Variants in GPC6 observed in about 807,000 individuals in gnomAD.
GPC6 encodes glypican-6.
Under a neutral mutation model 55.2 loss-of-function variants are expected in GPC6, and 14 were observed. The ratio of observed to expected loss-of-function variants is 0.25; its 90% CI spans 0.17 to 0.40. GPC6 has a LOEUF of 0.40. GPC6 is among the 10% of genes least tolerant of loss of function. The pLI, the probability that GPC6 is intolerant of heterozygous loss-of-function variation, is 1.00. For missense variants in GPC6, 641 were observed against 708.5 expected (o/e 0.90, Z 1.08); for synonymous variants, 278 against 259.6 (o/e 1.07, Z -0.68).
chr13:93,746,608 C>T (rs944449832), intron 2 of GPC6, among the ~76,000 whole-genome samples: 1 of 152,060 alleles, frequency 6.6e-6, no homozygotes, highest in Non-Finnish European at 1.5e-5. Flanking sequence ...TGTTTTAATC[C>T]ACAAGCAAAA....
At chr13:93,387,387 C>T (rs1875450245) in intron 1 of GPC6, among the ~76,000 whole-genome samples, 1 of 152,100 alleles carries the variant, frequency 6.6e-6, no homozygotes, top group East Asian at 1.9e-4. Flanking sequence ...CATGTGTTCT[C>T]ATTGTTCAAC....
chr13:94,312,038 A>C (rs1008943846), intron 6 of GPC6, among the ~76,000 whole-genome samples: 3 of 152,082 alleles, frequency 2.0e-5, no homozygotes, highest in African/African-American at 4.8e-5. Context: ...AGTTATCATG[A>C]CCCTTGTAGC....
intron 4 of GPC6, among the ~76,000 whole-genome samples, chr13:94,039,332 A>T (rs1883450379): frequency 6.6e-6 from 1 of 151,970 alleles, no homozygotes; most frequent in Non-Finnish European, 1.5e-5. Context: ...ATTCAGATGG[A>T]TGAGACTTGT....
chr13:93,933,290 A>G (rs1439007213), intron 3 of GPC6, among the ~76,000 whole-genome samples: 4 of 152,100 alleles, frequency 2.6e-5, no homozygotes, highest in Non-Finnish European at 1.5e-5. Flanking sequence ...GCGTCTACTT[A>G]GTAGAGGCCA....
At chr13:94,245,973 TC>T (rs1891183700) in intron 4 of GPC6, among the ~76,000 whole-genome samples, 1 of 152,146 alleles carries the variant, frequency 6.6e-6, no homozygotes, top group Non-Finnish European at 1.5e-5. Flanking sequence ...CAATCTACTT[TC>T]CCACTAACAG....
intron 1 of GPC6, among the ~76,000 whole-genome samples, chr13:93,473,027 C>T (rs1879179680): frequency 6.6e-6 from 1 of 152,202 alleles, no homozygotes; most frequent in South Asian, 2.1e-4. Context: ...TGTGGCTGAG[C>T]CTGGGGCTTT....
At chr13:93,684,781 A>T (rs564706132) in intron 2 of GPC6, among the ~76,000 whole-genome samples, 1 of 152,212 alleles carries the variant, frequency 6.6e-6, no homozygotes, top group Non-Finnish European at 1.5e-5. Context: ...GTTAAAAAAA[A>T]GAAGGATAGC....
chr13:93,833,963 G>T (rs1181081091), intron 3 of GPC6, among the ~76,000 whole-genome samples: 1 of 152,100 alleles, frequency 6.6e-6, no homozygotes, highest in Admixed American at 6.6e-5. Flanking sequence ...AGCCAGCCAG[G>T]ATTCATTTTC....
At chr13:93,928,654 T>G (rs1877982669) in intron 3 of GPC6, among the ~76,000 whole-genome samples, 1 of 152,162 alleles carries the variant, frequency 6.6e-6, no homozygotes, top group African/African-American at 2.4e-5. Flanking sequence ...CATCTTTCAC[T>G]TAACCAAAGC....
intron 1 of GPC6, among the ~76,000 whole-genome samples, chr13:93,457,056 C>G (rs1161591710): frequency 6.6e-6 from 1 of 152,168 alleles, no homozygotes; most frequent in Non-Finnish European, 1.5e-5. Context: ...TCTCCTGCCA[C>G]CCTGTGAAGA....
chr13:93,232,438 C>T (rs1031374960), intron 1 of GPC6, among the ~76,000 whole-genome samples: 13 of 152,160 alleles, frequency 8.5e-5, no homozygotes, highest in Admixed American at 2.0e-4. Flanking sequence ...CTATTAGAAG[C>T]GTCACTTGTT....
intron 2 of GPC6, among the ~76,000 whole-genome samples, chr13:93,692,445 A>T (rs1257915518): frequency 6.6e-6 from 1 of 152,118 alleles, no homozygotes; most frequent in Non-Finnish European, 1.5e-5. Context: ...TACATTGACA[A>T]TGAAATGGAA....
chr13:94,299,429 A>G (rs978201979), intron 5 of GPC6, among the ~76,000 whole-genome samples: 4 of 152,222 alleles, frequency 2.6e-5, no homozygotes, highest in Admixed American at 1.3e-4. Flanking sequence ...TTCTGAATGT[A>G]TGTGTCTCTC....
At chr13:93,419,633 A>C (rs968721276) in intron 1 of GPC6, among the ~76,000 whole-genome samples, 1 of 152,152 alleles carries the variant, frequency 6.6e-6, no homozygotes, top group Non-Finnish European at 1.5e-5. Flanking sequence ...CTCCATGCGG[A>C]TTGAATCCAA....
chr13:93,779,503 A>G (rs1885573203), intron 2 of GPC6, among the ~76,000 whole-genome samples: 1 of 152,154 alleles, frequency 6.6e-6, no homozygotes, highest in South Asian at 2.1e-4. Flanking sequence ...GTATACAGTG[A>G]AGTTATAGTA....
intron 7 of GPC6, among the ~76,000 whole-genome samples, chr13:94,390,589 C>T (rs145720307): frequency 6.6e-6 from 1 of 152,158 alleles, no homozygotes; most frequent in East Asian, 1.9e-4. Context: ...AACCAGCTCT[C>T]GAGAGAAATC....
At chr13:93,928,483 T>C (rs1370069867) in intron 3 of GPC6, among the ~76,000 whole-genome samples, 1 of 152,186 alleles carries the variant, frequency 6.6e-6, no homozygotes, top group African/African-American at 2.4e-5. Context: ...GGTGAAACTT[T>C]ATGTTTCAAG....
chr13:93,535,305 T>C (rs1882012981), intron 1 of GPC6, among the ~76,000 whole-genome samples: 1 of 152,210 alleles, frequency 6.6e-6, no homozygotes, highest in African/African-American at 2.4e-5. Context: ...CAAATACTTG[T>C]AGGTGTCAGA....
intron 2 of GPC6, among the ~76,000 whole-genome samples, chr13:93,710,046 A>G (rs965379037): frequency 6.6e-6 from 1 of 151,830 alleles, no homozygotes; most frequent in African/African-American, 2.4e-5. Context: ...ATTGGAATGA[A>G]TGGTTTCAAT....
Sources: allele counts gnomAD v4.1 joint callset (sites outside exome capture counted in the v4.1 genomes callset), GRCh38; gene constraint gnomAD v4.1.1; transcripts MANE v1.5; gene names NCBI Gene and HGNC (gene_info 2026-07-23, HGNC 2026-07-21).